The following ZFHX3 variants were observed in gnomAD, a reference collection of about 807,000 sequenced individuals.
ZFHX3 encodes the protein zinc finger homeobox protein 3.
A neutral mutation model predicts 279.1 loss-of-function variants in ZFHX3; 42 were observed. The ratio of observed to expected loss-of-function variants is 0.15; its 90% CI spans 0.12 to 0.19. The LOEUF (loss-of-function observed/expected upper bound fraction) is 0.19, where lower values mean the gene tolerates loss of function less well. ZFHX3 is among the 10% of genes least tolerant of loss of function. ZFHX3 has a pLI of 1.00. For synonymous variants in ZFHX3, 2,293 were observed against 1,957.8 expected (o/e 1.17, Z -4.52); for missense variants, 4,981 against 4,754.0 (o/e 1.05, Z -1.40).
intron 5 of ZFHX3, among the ~76,000 whole-genome samples, chr16:73,248,020 A>T (rs111170006): frequency 6.7e-6 from 1 of 149,386 alleles, no homozygotes; most frequent in African/African-American, 2.5e-5. Context: ...CTATGTATAT[A>T]ATGTGTGTGT....
chr16:73,537,099 G>A (rs1210143603), intron 2 of ZFHX3, among the ~76,000 whole-genome samples: 1 of 152,090 alleles, frequency 6.6e-6, no homozygotes, highest in Non-Finnish European at 1.5e-5. Context: ...ACCTGTCTCA[G>A]TTATGACCAA....
chr16:72,883,481 G>A (rs765650460), intron 4 of ZFHX3, among the ~76,000 whole-genome samples: 21 of 152,096 alleles, frequency 1.4e-4, no homozygotes, highest in Admixed American at 5.9e-4. Context: ...ACATCCCACC[G>A]CCAAAACAGC....
intron 2 of ZFHX3, among the ~76,000 whole-genome samples, chr16:73,640,254 G>C (rs1248893969): frequency 6.6e-6 from 1 of 152,110 alleles, no homozygotes; most frequent in Non-Finnish European, 1.5e-5. Flanking sequence ...TATCCAAAAA[G>C]AGAATTATCA....
At chr16:73,855,837 T>C (rs1198844979) in intron 1 of ZFHX3, among the ~76,000 whole-genome samples, 3 of 152,182 alleles carry the variant, frequency 2.0e-5, no homozygotes, top group Non-Finnish European at 4.4e-5. Flanking sequence ...AGTGTGGATA[T>C]CTGGGGCAAG....
At chr16:73,588,785 A>G (rs1597014288) in intron 2 of ZFHX3, among the ~76,000 whole-genome samples, 1 of 151,864 alleles carries the variant, frequency 6.6e-6, no homozygotes, top group African/African-American at 2.4e-5. Flanking sequence ...CAAAATTCAG[A>G]CTGTAGAAAA....
chr16:73,246,672 G>GT (rs2013290221), intron 5 of ZFHX3, among the ~76,000 whole-genome samples: 1 of 152,150 alleles, frequency 6.6e-6, no homozygotes, highest in Non-Finnish European at 1.5e-5. Flanking sequence ...CTAAATGCTC[G>GT]TATCTTAAAG....
intron 9 of ZFHX3, among the ~76,000 whole-genome samples, chr16:72,792,910 G>C (rs1310071804): frequency 6.6e-6 from 1 of 152,212 alleles, no homozygotes; most frequent in Non-Finnish European, 1.5e-5. Flanking sequence ...CAAATATCTA[G>C]ACAGGATCAG....
chr16:72,788,649 CTGCTGCACCTGTGGT>C lies in ZFHX3; in HGVS notation c.9612_9626del (p.Gln3206_Pro3210del), dbSNP rs746913998. Reference sequence around the variant, plus strand: ...GCTGGGCTGCTGGCGGCGGGGGAGGCTGCTGCACCTGTGGTTGCTGCTGCTGCTGCTGCTGCTGGG... The same window carrying C: ...GCTGGGCTGCTGGCGGCGGGGGAGGCTGCTGCTGCTGCTGCTGCTGCTGGG... On this transcript the variant is annotated inframe_deletion, in exon 10 of 10. Coordinates refer to ENST00000268489, the MANE Select transcript of ZFHX3 (RefSeq NM_006885.4). The C allele has an allele frequency of 1.1e-5, 18 of 1,613,482 alleles. No individual in the cohort carries two copies. Among genetic ancestry groups the C allele is most frequent in the Middle Eastern group, 1.6e-4 (1 of 6,080 alleles).
intron 1 of ZFHX3, among the ~76,000 whole-genome samples, chr16:73,748,777 C>A (rs958090131): frequency 1.3e-5 from 2 of 152,064 alleles, no homozygotes; most frequent in Non-Finnish European, 2.9e-5. Context: ...TCCAAACTCA[C>A]CTTTCTTTTA....
At chr16:72,938,415 A>G (rs576028526) in intron 3 of ZFHX3, among the ~76,000 whole-genome samples, 1 of 152,318 alleles carries the variant, frequency 6.6e-6, no homozygotes, top group Non-Finnish European at 1.5e-5. Context: ...GTTGTCTGAA[A>G]TCTCCCCAGG....
At chr16:73,540,092 G>A (rs1338686927) in intron 2 of ZFHX3, among the ~76,000 whole-genome samples, 1 of 152,178 alleles carries the variant, frequency 6.6e-6, no homozygotes, top group Non-Finnish European at 1.5e-5. Context: ...GAGAATGTTG[G>A]AGCTCATTGT....
At chr16:73,342,796 T>C (rs541372857) in intron 3 of ZFHX3, among the ~76,000 whole-genome samples, 1 of 152,276 alleles carries the variant, frequency 6.6e-6, no homozygotes, top group African/African-American at 2.4e-5. Context: ...ATGCTAATGT[T>C]TTATATATGC....
chr16:73,176,019 A>G (rs894080989), intron 5 of ZFHX3, among the ~76,000 whole-genome samples: 3 of 152,162 alleles, frequency 2.0e-5, no homozygotes, highest in Non-Finnish European at 2.9e-5. Flanking sequence ...GCCATCCCCA[A>G]CCCACCTCGT....
chr16:73,427,922 G>A (rs956879243), intron 3 of ZFHX3, among the ~76,000 whole-genome samples: 11 of 152,074 alleles, frequency 7.2e-5, no homozygotes, highest in African/African-American at 1.4e-4. Context: ...CTGCTTGGGC[G>A]ACAGAGCGAG....
intron 1 of ZFHX3, among the ~76,000 whole-genome samples, chr16:73,865,472 C>T (rs1232670466): frequency 1.3e-5 from 2 of 152,098 alleles, no homozygotes; most frequent in Non-Finnish European, 2.9e-5. Context: ...CTCTTCATAC[C>T]CCAGTTTCCT....
chr16:72,912,966 G>A (rs376250025), intron 3 of ZFHX3, among the ~76,000 whole-genome samples: 11 of 152,220 alleles, frequency 7.2e-5, no homozygotes, highest in African/African-American at 2.2e-4. Flanking sequence ...CTCATGATCC[G>A]CCTACCTCAG....
In ZFHX3 at chr16:73,008,159, T is replaced by C. The variant is rs544222259; in HGVS notation, c.-50+39593A>G. Among the ~76,000 whole-genome samples, 5 of 152,322 alleles carry C rather than the reference T, an allele frequency of 3.3e-5. No individual in the cohort carries two copies. The East Asian group carries it at 7.7e-4, about 23-fold the overall frequency. On this transcript the variant is annotated intron_variant, in intron 1 of 9. Transcript: ENST00000268489. ...TTGTTTTATGCTTTCCAAGTTTGAG[T>C]TGAATACTTAATTCATTTATTTTCA...
chr16:73,537,671 C>T (rs1479550597), intron 2 of ZFHX3, among the ~76,000 whole-genome samples: 1 of 152,166 alleles, frequency 6.6e-6, no homozygotes, highest in African/African-American at 2.4e-5. Flanking sequence ...AATGGGAAGG[C>T]GAAGCCTGAG....
chr16:73,090,696 G>A (rs1219508006), intron 8 of ZFHX3, among the ~76,000 whole-genome samples: 1 of 150,508 alleles, frequency 6.6e-6, no homozygotes, highest in African/African-American at 2.5e-5. Context: ...AGACCAGCCT[G>A]GGCAACATGG....
Sources: allele counts gnomAD v4.1 joint callset (sites outside exome capture counted in the v4.1 genomes callset), GRCh38; gene constraint gnomAD v4.1.1; transcripts MANE v1.5; gene names NCBI Gene and HGNC (gene_info 2026-07-23, HGNC 2026-07-21).